Variants in FAM171A1 observed in about 807,000 individuals in gnomAD.
The protein encoded by FAM171A1 is family with sequence similarity 171 member A1, also known as protein FAM171A1.
FAM171A1 carries 23 observed loss-of-function variants against 74.9 expected under a neutral mutation model. The ratio of observed to expected loss-of-function variants is 0.31; its 90% CI spans 0.22 to 0.44. FAM171A1 has a LOEUF of 0.44. Ranked by LOEUF, FAM171A1 falls within the 20% of genes least tolerant of loss-of-function variation. The pLI, the probability that FAM171A1 is intolerant of heterozygous loss-of-function variation, is 1.00. For missense variants in FAM171A1, 1,162 were observed against 1,159.2 expected (o/e 1.00, Z -0.03); for synonymous variants, 527 against 505.7 (o/e 1.04, Z -0.57).
intron 1 of FAM171A1, among the ~76,000 whole-genome samples, chr10:15,349,701 T>C (rs1835856632): frequency 1.3e-5 from 2 of 152,202 alleles, no homozygotes; most frequent in African/African-American, 4.8e-5. Flanking sequence ...TGGGTGTAAA[T>C]GGCTTCACTC....
chr10:15,260,255 C>A (rs1251838771), intron 3 of FAM171A1, among the ~76,000 whole-genome samples: 2 of 152,188 alleles, frequency 1.3e-5, no homozygotes, highest in Non-Finnish European at 2.9e-5. Context: ...AAGCTCTAAG[C>A]TCTATTTGCA....
chr10:15,266,463 C>G (rs560862346), intron 3 of FAM171A1, among the ~76,000 whole-genome samples: 5 of 152,076 alleles, frequency 3.3e-5, no homozygotes, highest in Non-Finnish European at 7.4e-5. Context: ...CCAGGCTGCC[C>G]TTCCTGTCCA....
intron 2 of FAM171A1, among the ~76,000 whole-genome samples, chr10:15,276,638 A>C (rs1300468539): frequency 1.3e-5 from 2 of 152,230 alleles, no homozygotes; most frequent in Non-Finnish European, 2.9e-5. Flanking sequence ...ATGGTAAAAG[A>C]ATATTCCCCC....
At position 15,325,172 on chromosome 10, in the gene FAM171A1, C is replaced by T. The variant is rs114480539; in HGVS notation, c.98-41067G>A. 4.2e-3 allele frequency among the ~76,000 whole-genome samples: 647 copies of T among 152,284 alleles called. 2 individuals carry two copies. The highest frequency in any genetic ancestry group is 0.015 in the African/African-American group (608 of 41,554). On this transcript the variant is annotated intron_variant, in intron 1 of 7. Coordinates refer to ENST00000378116, the MANE Select transcript of FAM171A1 (RefSeq NM_001010924.2). ...AAACACTCTACAATTTCCAGCTGTT[C>T]CAGCTGTTCTTTCTGAAGCAGACAG...
chr10:15,245,439 G>T (rs1564621452), intron 5 of FAM171A1, among the ~76,000 whole-genome samples: 1 of 152,170 alleles, frequency 6.6e-6, no homozygotes. Context: ...AGCCTGCCTT[G>T]CAATTTTGGA....
chr10:15,284,339 C>A (rs1835009560), intron 1 of FAM171A1, among the ~76,000 whole-genome samples: 1 of 152,174 alleles, frequency 6.6e-6, no homozygotes, highest in Non-Finnish European at 1.5e-5. Context: ...TTCTTCTTTA[C>A]TACTGCCTGC....
At chr10:15,310,778 T>C (rs757473382) in intron 1 of FAM171A1, among the ~76,000 whole-genome samples, 8 of 151,646 alleles carry the variant, frequency 5.3e-5, no homozygotes, top group African/African-American at 7.3e-5. Flanking sequence ...GGAGAACCGT[T>C]TGAACCAGGA....
chr10:15,285,754 A>G (rs1396270664), intron 1 of FAM171A1, among the ~76,000 whole-genome samples: 1 of 152,198 alleles, frequency 6.6e-6, no homozygotes, highest in Non-Finnish European at 1.5e-5. Context: ...GACTAGCAAA[A>G]AGCGAGGAGG....
intron 1 of FAM171A1, among the ~76,000 whole-genome samples, chr10:15,316,857 G>A (rs2131843438): frequency 6.6e-6 from 1 of 152,260 alleles, no homozygotes; most frequent in East Asian, 1.9e-4. Flanking sequence ...TTGACAAGCA[G>A]TTTTACTTTA....
intron 1 of FAM171A1, among the ~76,000 whole-genome samples, chr10:15,298,349 G>C (rs1012316787): frequency 2.0e-5 from 3 of 151,906 alleles, no homozygotes; most frequent in Non-Finnish European, 4.4e-5. Context: ...GGCCAGGCTG[G>C]TTTCAAACTC....
Position 15,213,274 on chromosome 10 carries a change from G to T in FAM171A1, c.2314C>A (p.His772Asn), listed in dbSNP as rs1833917435. 2 of 1,614,122 alleles carry T rather than the reference G, an allele frequency of 1.2e-6. No individual in the cohort carries two copies. The highest frequency in any genetic ancestry group is 1.7e-6 in the Non-Finnish European group (2 of 1,180,046). ...LQQNYPPVQE[H>N]QQKEPRAPDS... is the part of the protein sequence containing the mutation. ...GGGGCTCGAGGCTCTTTCTGCTGGTGCTCTTGGACGGGCGGGTAGTTCTGC... is the reference window on the plus strand; with the variant it reads ...GGGGCTCGAGGCTCTTTCTGCTGGTTCTCTTGGACGGGCGGGTAGTTCTGC... The change falls in exon 8 of 8, where the codon CAC becomes AAC. Residue 772 changes from histidine (H) to asparagine (N), a missense_variant. By Grantham distance (68) the His-to-Asn change is moderately conservative (BLOSUM62 1). Transcript: ENST00000378116. This position sits in a 1 kb window ranked among gnomAD's most constrained non-coding sequence, Gnocchi z 6.8.
chr10:15,293,026 G>T (rs747638779), intron 1 of FAM171A1, among the ~76,000 whole-genome samples: 1 of 152,034 alleles, frequency 6.6e-6, no homozygotes, highest in Non-Finnish European at 1.5e-5. Context: ...CTTTTTATGC[G>T]TGACATTGAT....
At chr10:15,298,318 G>C (rs895251655) in intron 1 of FAM171A1, among the ~76,000 whole-genome samples, 1 of 151,610 alleles carries the variant, frequency 6.6e-6, no homozygotes, top group African/African-American at 2.4e-5. Flanking sequence ...ATTTTTAGTA[G>C]GGACAGGGTT....
Position 15,286,843 on chromosome 10 carries a change from C to T in FAM171A1, c.98-2738G>A, listed in dbSNP as rs146601368. ...GAATCCTAGACCTAGCTAAATCATT[C>T]ACCTGCCTTTGAGGAGCTCTGAGCT... On this transcript the variant is annotated intron_variant, in intron 1 of 7. Coordinates refer to ENST00000378116, the MANE Select transcript of FAM171A1 (RefSeq NM_001010924.2). 8.5e-3 allele frequency among the ~76,000 whole-genome samples: 1,288 copies of T among 152,296 alleles called. 9 individuals are homozygous for T. Among genetic ancestry groups the T allele is most frequent in the Middle Eastern group, 0.041 (12 of 292 alleles).
intron 5 of FAM171A1, among the ~76,000 whole-genome samples, chr10:15,229,527 C>A (rs560930987): frequency 7.7e-6 from 1 of 130,142 alleles, no homozygotes; most frequent in Non-Finnish European, 1.7e-5. Context: ...TGTCACCCCC[C>A]TCACCATCAT....
At chr10:15,374,472 C>T (rs1057357369), upstream of FAM171A1, among the ~76,000 whole-genome samples, 3 of 152,212 alleles carry the variant, frequency 2.0e-5, no homozygotes, top group East Asian at 3.8e-4. Flanking sequence ...TAAATAATCA[C>T]ACTTATCCTT....
At chr10:15,231,944 T>A (rs1834212251) in intron 5 of FAM171A1, among the ~76,000 whole-genome samples, 1 of 151,920 alleles carries the variant, frequency 6.6e-6, no homozygotes, top group Non-Finnish European at 1.5e-5. Context: ...ACAAAAAAAT[T>A]AGCTGGGCCG....
intron 1 of FAM171A1, among the ~76,000 whole-genome samples, chr10:15,286,332 G>A (rs1835034867): frequency 6.6e-6 from 1 of 152,192 alleles, no homozygotes. Context: ...CCAGGGTGGA[G>A]TGCAATGGCA....
intron 1 of FAM171A1, among the ~76,000 whole-genome samples, chr10:15,325,010 G>C (rs971524346): frequency 3.3e-5 from 5 of 152,242 alleles, no homozygotes; most frequent in Non-Finnish European, 5.9e-5. Flanking sequence ...AAAAGCTAGA[G>C]GCACATCACG....
Sources: gnomAD v4.1 joint callset for allele counts (sites outside exome capture counted in the v4.1 genomes callset) on GRCh38, gnomAD v4.1.1 for gene constraint, Gnocchi (gnomAD v3.1) non-coding constraint, MANE v1.5 for transcripts, NCBI Gene and HGNC (gene_info 2026-07-23, HGNC 2026-07-21) for gene names.